The following DOCK3 variants were observed in gnomAD, a reference collection of about 807,000 sequenced individuals.
DOCK3 encodes dedicator of cytokinesis protein 3.
Under a neutral mutation model 265.6 loss-of-function variants are expected in DOCK3, and 60 were observed. The ratio of observed to expected loss-of-function variants is 0.23; its 90% CI spans 0.18 to 0.28. The LOEUF (loss-of-function observed/expected upper bound fraction) is 0.28. Ranked by LOEUF, DOCK3 falls within the 10% of genes least tolerant of loss-of-function variation. The probability of loss-of-function intolerance (pLI) is 1.00; values close to 1 mark genes in which losing one functional copy is unlikely to be tolerated. For synonymous variants in DOCK3, 881 were observed against 938.0 expected, an observed-to-expected ratio of 0.94 and a Z score of 1.11; for missense variants, 1,981 against 2,594.3, an observed-to-expected ratio of 0.76 and a Z score of 5.14.
chr3:51,199,542 C>G (rs1006685094), intron 12 of DOCK3, among the ~76,000 whole-genome samples: 1 of 152,236 alleles, frequency 6.6e-6, no homozygotes, highest in African/African-American at 2.4e-5. Context: ...CAGGAAGCTC[C>G]AACTGGGTGG....
chr3:50,982,126 G>T (rs996432785), intron 5 of DOCK3, among the ~76,000 whole-genome samples: 1 of 152,268 alleles, frequency 6.6e-6, no homozygotes, highest in African/African-American at 2.4e-5. Context: ...TGGGATTACA[G>T]GGGTGAACCA....
intron 46 of DOCK3, 67 bp downstream of exon 46, chr3:51,358,144 A>G (rs939866529): frequency 3.3e-6 from 5 of 1,511,456 alleles, no homozygotes; most frequent in Non-Finnish European, 4.6e-6. Context: ...GACCTACGCC[A>G]CAAACCAAAG....
intron 1 of DOCK3, among the ~76,000 whole-genome samples, chr3:50,682,579 A>G (rs374917915): frequency 6.6e-4 from 100 of 152,256 alleles, no homozygotes; most frequent in African/African-American, 2.4e-3. Context: ...TATTTACTTT[A>G]TCCTCTTCAT....
chr3:50,763,006 A>G (rs1204010766), intron 1 of DOCK3, among the ~76,000 whole-genome samples: 1 of 152,122 alleles, frequency 6.6e-6, no homozygotes, highest in African/African-American at 2.4e-5. Flanking sequence ...TTATATCCTA[A>G]TAAGTTCATC....
At chr3:51,231,056 T>A (rs2090525874) in intron 19 of DOCK3, among the ~76,000 whole-genome samples, 1 of 151,326 alleles carries the variant, frequency 6.6e-6, no homozygotes, top group South Asian at 2.1e-4. Flanking sequence ...TAATTTACAT[T>A]CCCACCAACA....
chr3:50,908,053 G>C (rs574195948), intron 4 of DOCK3, among the ~76,000 whole-genome samples: 1 of 151,944 alleles, frequency 6.6e-6, no homozygotes, highest in Non-Finnish European at 1.5e-5. Context: ...ATTTCTGTGC[G>C]ATCAGCAGTG....
chr3:51,249,522 C>T lies in DOCK3; in HGVS notation c.2184+2715C>T, dbSNP rs1172479276. Among the ~76,000 whole-genome samples, 11 of 94,698 alleles carry T rather than the reference C, an allele frequency of 1.2e-4. 1 individual carries two copies. Among genetic ancestry groups the T allele is most frequent in the Non-Finnish European group, 2.3e-4 (10 of 43,486 alleles). The allele number at this position is 94,698 out of a possible 152,430, so 62.1% of individuals were successfully genotyped here. A position where few individuals can be genotyped will look rare whatever the true frequency, so the allele number is the denominator to read the frequency against. On this transcript the variant is annotated intron_variant, in intron 22 of 52. Transcript: ENST00000266037. ...GAGGTGGGGGGGTCAGCTCCCCGCC[C>T]GGCCAGCCGCCCGGTCCGGGAGGGA...
chr3:50,991,058 T>C (rs941165221), intron 5 of DOCK3, among the ~76,000 whole-genome samples: 3 of 152,048 alleles, frequency 2.0e-5, no homozygotes, highest in African/African-American at 7.2e-5. Flanking sequence ...TAAACAAACA[T>C]TGAGGGTATT....
At chr3:50,703,986 A>G (rs1277557874) in intron 1 of DOCK3, among the ~76,000 whole-genome samples, 2 of 150,116 alleles carry the variant, frequency 1.3e-5, no homozygotes, top group South Asian at 2.1e-4. Flanking sequence ...TTCCATTTTC[A>G]TTTGTCTCAG....
intron 3 of DOCK3, among the ~76,000 whole-genome samples, chr3:50,861,682 T>G (rs1429549941): frequency 6.6e-5 from 10 of 152,128 alleles, no homozygotes; most frequent in Non-Finnish European, 1.3e-4. Context: ...CATGATGGCC[T>G]TCTTTGTCTT....
At chr3:51,254,822 A>G (rs546533583) in intron 22 of DOCK3, among the ~76,000 whole-genome samples, 14 of 152,152 alleles carry the variant, frequency 9.2e-5, no homozygotes, top group Non-Finnish European at 1.5e-4. Flanking sequence ...TCTTTATCCA[A>G]TTTGCCAGTT....
At chr3:51,005,031 T>A (rs1274375064) in intron 5 of DOCK3, among the ~76,000 whole-genome samples, 1 of 151,780 alleles carries the variant, frequency 6.6e-6, no homozygotes, top group African/African-American at 2.4e-5. Context: ...TGACTGAGCA[T>A]GAAACATTCT....
intron 2 of DOCK3, among the ~76,000 whole-genome samples, chr3:50,826,510 A>T (rs2044763670): frequency 6.6e-6 from 1 of 152,152 alleles, no homozygotes; most frequent in South Asian, 2.1e-4. Context: ...TTAAATATGA[A>T]CTGGCAACCA....
chr3:50,913,487 C>G (rs2049966848), intron 4 of DOCK3, among the ~76,000 whole-genome samples: 1 of 152,028 alleles, frequency 6.6e-6, no homozygotes, highest in South Asian at 2.1e-4. Context: ...ACGCACCTCT[C>G]CAGTCCACTG....
At chr3:51,145,774 A>G (rs2085272098) in intron 9 of DOCK3, among the ~76,000 whole-genome samples, 1 of 152,126 alleles carries the variant, frequency 6.6e-6, no homozygotes, top group Non-Finnish European at 1.5e-5. Flanking sequence ...TGTTTTTGGC[A>G]CCAGTGACCA....
At chr3:50,890,523 A>G (rs925596074) in intron 4 of DOCK3, among the ~76,000 whole-genome samples, 6 of 152,134 alleles carry the variant, frequency 3.9e-5, no homozygotes, top group Non-Finnish European at 4.4e-5. Context: ...CAAATTTTAA[A>G]AACAAAGCAA....
intron 3 of DOCK3, among the ~76,000 whole-genome samples, chr3:50,857,269 C>A (rs1298347227): frequency 6.6e-6 from 1 of 152,128 alleles, no homozygotes; most frequent in African/African-American, 2.4e-5. Flanking sequence ...CTTTGTACAT[C>A]TGTTAGAATT....
chr3:51,163,954 A>C (rs1265014515), intron 12 of DOCK3, among the ~76,000 whole-genome samples: 2 of 152,056 alleles, frequency 1.3e-5, no homozygotes. Context: ...CTTTGTCTTC[A>C]CTTAAGCCAC....
intron 5 of DOCK3, among the ~76,000 whole-genome samples, chr3:50,974,249 C>A (rs1356143183): frequency 6.6e-6 from 1 of 151,688 alleles, no homozygotes; most frequent in African/African-American, 2.4e-5. Context: ...CCTAGGTTTT[C>A]TTCTAGGGTT....
Sources: allele counts gnomAD v4.1 joint callset (sites outside exome capture counted in the v4.1 genomes callset), GRCh38; gene constraint gnomAD v4.1.1; transcripts MANE v1.5; gene names NCBI Gene and HGNC (gene_info 2026-07-23, HGNC 2026-07-21).